The following WDR88 variants were observed in gnomAD, a reference collection of about 807,000 sequenced individuals.
The protein encoded by WDR88 is WD repeat domain 88, also known as WD repeat-containing protein 88.
A neutral mutation model predicts 46.8 loss-of-function variants in WDR88; 40 were observed. That is an observed-to-expected ratio of 0.86 (90% CI 0.66 to 1.11). The LOEUF (loss-of-function observed/expected upper bound fraction) is 1.11, where lower values mean the gene tolerates loss of function less well. Among genes scored for constraint, WDR88 ranks in the 50% most tolerant of loss-of-function variants. The probability of loss-of-function intolerance (pLI) is 0.00; values close to 1 mark genes in which losing one functional copy is unlikely to be tolerated. For missense variants in WDR88, 562 were observed against 602.4 expected, an observed-to-expected ratio of 0.93 and a Z score of 0.70; for synonymous variants, 235 against 240.7, an observed-to-expected ratio of 0.98 and a Z score of 0.22.
At chr19:33,160,696 G>C (rs1012377845) in intron 8 of WDR88, among the ~76,000 whole-genome samples, 200 bp downstream of exon 8, 13 of 152,228 alleles carry the variant, frequency 8.5e-5, no homozygotes, top group African/African-American at 1.2e-4. Flanking sequence ...AGGGTGACAT[G>C]ATGGGGACAG....
chr19:33,135,666 C>A (rs1973249369), intron 1 of WDR88, among the ~76,000 whole-genome samples: 1 of 152,144 alleles, frequency 6.6e-6, no homozygotes, highest in African/African-American at 2.4e-5. Flanking sequence ...GATCCACCCA[C>A]CTTGGCCTCC....
intron 2 of WDR88, among the ~76,000 whole-genome samples, chr19:33,141,244 T>TTTTTTTC (rs1973389222): frequency 6.7e-6 from 1 of 148,218 alleles, no homozygotes; most frequent in African/African-American, 2.6e-5. Context: ...TTTTTTTCTT[T>TTTTTTTC]TTTGACACAG....
chr19:33,166,590 C>G (rs1240729583), intron 9 of WDR88, among the ~76,000 whole-genome samples: 1 of 151,234 alleles, frequency 6.6e-6, no homozygotes, highest in East Asian at 1.9e-4. Context: ...GAGTGAGACC[C>G]TGTCTCTTTA....
At chr19:33,173,164 G>A (rs1974068630) in intron 10 of WDR88, among the ~76,000 whole-genome samples, 1 of 149,288 alleles carries the variant, frequency 6.7e-6, no homozygotes, top group African/African-American at 2.5e-5. Context: ...AATGCAGAGA[G>A]AGCCTGAGAG....
At chr19:33,142,208 AG>A (rs1178000079) in intron 2 of WDR88, among the ~76,000 whole-genome samples, 1 of 151,886 alleles carries the variant, frequency 6.6e-6, no homozygotes, top group East Asian at 1.9e-4. Context: ...AGGAGCCAGC[AG>A]GGGGGGACGA....
At chr19:33,150,766 C>T (rs77733692) in intron 5 of WDR88, among the ~76,000 whole-genome samples, 2,963 of 152,364 alleles carry the variant, frequency 0.019, 94 homozygotes, top group African/African-American at 0.067. Flanking sequence ...CTCCATGATC[C>T]GGCCCAGGCC....
chr19:33,165,901 C>T (rs1360944710), intron 9 of WDR88, among the ~76,000 whole-genome samples: 2 of 109,128 alleles, frequency 1.8e-5, no homozygotes, highest in Non-Finnish European at 4.2e-5. Flanking sequence ...AACTCTGTCT[C>T]AAAAAAAAAA....
intron 9 of WDR88, 53 bp downstream of exon 9, chr19:33,164,318 G>A (rs1568370275): frequency 7.1e-6 from 11 of 1,538,770 alleles, no homozygotes; most frequent in South Asian, 1.1e-5. Context: ...ATTGGTGATA[G>A]TGGAAGAGTT....
intron 1 of WDR88, among the ~76,000 whole-genome samples, chr19:33,135,251 A>G (rs930414832): frequency 6.6e-6 from 1 of 152,044 alleles, no homozygotes; most frequent in Non-Finnish European, 1.5e-5. Context: ...CTGTCCATAG[A>G]TTTGTCTATT....
At chr19:33,171,774 T>TGTTC (rs1974042574) in intron 9 of WDR88, among the ~76,000 whole-genome samples, 1 of 116,232 alleles carries the variant, frequency 8.6e-6, no homozygotes, top group African/African-American at 3.1e-5. Context: ...CATATAGTTT[T>TGTTC]GTTTGTTTGT....
chr19:33,132,196 G>T lies in WDR88; in HGVS notation c.27G>T (p.Pro9=), dbSNP rs773480618. 1 of 1,603,168 alleles carries T rather than the reference G, an allele frequency of 6.2e-7. No homozygotes were observed. Among genetic ancestry groups the T allele is most frequent in the South Asian group, 1.1e-5 (1 of 90,970 alleles). Residue 9 remains proline, a synonymous_variant, in exon 1 of 11, where the codon CCG becomes CCT. Coordinates refer to ENST00000355868, the MANE Select transcript of WDR88 (RefSeq NM_173479.4). Reference sequence around the variant, plus strand: ...TGGCCTCCCCGCCGCGGTGCTCCCCGACAGCCCATGACAGGGAATGCAAGT... The same window carrying T: ...TGGCCTCCCCGCCGCGGTGCTCCCCTACAGCCCATGACAGGGAATGCAAGT... MASPPRCS[P]TAHDRECKLP... is the part of the protein sequence containing the mutation.
chr19:33,145,563 C>T (rs2145378660), intron 3 of WDR88, among the ~76,000 whole-genome samples: 1 of 142,032 alleles, frequency 7.0e-6, no homozygotes, highest in East Asian at 2.2e-4. Context: ...GAGACAGAGT[C>T]CTGCTCTGTT....
intron 8 of WDR88, among the ~76,000 whole-genome samples, chr19:33,161,947 A>G (rs1973874420): frequency 6.6e-6 from 1 of 152,206 alleles, no homozygotes; most frequent in African/African-American, 2.4e-5. Flanking sequence ...CCTGGGTGAC[A>G]GAGCCGGTTG....
In WDR88 at chr19:33,151,285, C is replaced by A. The variant is rs377500931; in HGVS notation, c.784C>A (p.Gln262Lys). The change falls in exon 6 of 11, where the codon CAG becomes AAG. Residue 262 changes from glutamine (Q) to lysine (K), a missense_variant. Transcript: ENST00000355868. ...CATCAAGATCTGGGATGTTACATCC[C>A]AGGCCACGCTGCTCACCATCACTAA... ...RCIKIWDVTSQATLLTITKAH... is the reference protein window; with the variant it reads ...RCIKIWDVTSKATLLTITKAH... The A allele has an allele frequency of 1.1e-5, 18 of 1,613,404 alleles. No individual in the cohort carries two copies. Among genetic ancestry groups the A allele is most frequent in the Non-Finnish European group, 1.5e-5 (18 of 1,179,854 alleles).
intron 7 of WDR88, among the ~76,000 whole-genome samples, chr19:33,157,991 G>A (rs1375767777): frequency 6.6e-6 from 1 of 152,026 alleles, no homozygotes. Flanking sequence ...CCCTGATGCA[G>A]AGGGACTAAG....
chr19:33,162,933 C>T (rs376446526), intron 8 of WDR88, among the ~76,000 whole-genome samples: 1 of 152,022 alleles, frequency 6.6e-6, no homozygotes, highest in African/African-American at 2.4e-5. Flanking sequence ...CGCAGTGGCT[C>T]ATGCCTGTAA....
At chr19:33,174,182 GAAAAGA>G (rs895429511) in intron 10 of WDR88, 2 of 1,536,190 alleles carry the variant, frequency 1.3e-6, no homozygotes, top group African/African-American at 2.7e-5. Context: ...TGCAAAAAAG[GAAAAGA>G]AAGAGGCCTA....
At position 33,147,633 on chromosome 19, in the gene WDR88, T is replaced by A. The variant is rs7249216; in HGVS notation, c.477-12T>A. The A allele has an allele frequency of 0.13, 213,328 of 1,612,010 alleles. 15,848 individuals carry two copies. Among genetic ancestry groups the A allele is most frequent in the African/African-American group, 0.27 (20,551 of 74,844 alleles). The stretch of plus-strand genomic sequence containing the variant: ...AAAGAACCAGTGTTCGTCATCGTCA[T>A]CTTATTTCCAGAGTCATTGCCGCAT... On this transcript the variant is annotated splice_polypyrimidine_tract_variant and intron_variant, in intron 3 of 10. Transcript: ENST00000355868.
At chr19:33,157,509 A>G in intron 7 of WDR88, among the ~76,000 whole-genome samples, 1 of 100,916 alleles carries the variant, frequency 9.9e-6, no homozygotes, top group Non-Finnish European at 1.7e-5. Context: ...ATATATATAT[A>G]TATGTATATA....
Sources: gnomAD v4.1 joint callset for allele counts (sites outside exome capture counted in the v4.1 genomes callset) on GRCh38, gnomAD v4.1.1 for gene constraint, MANE v1.5 for transcripts, NCBI Gene and HGNC (gene_info 2026-07-23, HGNC 2026-07-21) for gene names.